CLIC6: variants seen among roughly 807,000 people sequenced by gnomAD.
CLIC6 encodes the protein CLIC family member 6.
A neutral mutation model predicts 49.2 loss-of-function variants in CLIC6; 39 were observed. The observed-to-expected ratio is 0.79, with a 90% CI of 0.61 to 1.04. CLIC6 has a LOEUF of 1.04. CLIC6 is among the 50% of genes least tolerant of loss of function. The pLI is 0.00. For missense variants in CLIC6, 988 were observed against 993.1 expected (o/e 0.99, Z 0.07); for synonymous variants, 446 against 433.4 (o/e 1.03, Z -0.36).
rs1989498728 is a variant in CLIC6 at position 34,669,856 on chromosome 21, G to A, written c.468G>A (p.Ala156=). 8 of 1,409,180 alleles carry A rather than the reference G, an allele frequency of 5.7e-6. No homozygotes were observed. In the South Asian group the frequency reaches 6.1e-5, roughly 11 times the overall value. The allele number at this position is 1,409,180 out of a possible 1,614,324, so 87.3% of individuals were successfully genotyped here. The change falls in exon 1 of 6, where the codon GCG becomes GCA. Residue 156 remains alanine (A), a synonymous_variant. Coordinates refer to ENST00000349499, the MANE Select transcript of CLIC6 (RefSeq NM_053277.3). ...EVPEGSASGE[A]GDSVDAEGPL... is the part of the protein sequence containing the mutation. Reference sequence around the variant, plus strand: ...CGGAAGGTAGCGCGTCCGGGGAGGCGGGGGACAGCGTAGACGCGGAGGGCC... The same window carrying A: ...CGGAAGGTAGCGCGTCCGGGGAGGCAGGGGACAGCGTAGACGCGGAGGGCC...
chr21:34,689,591 T>C (rs902637928), intron 1 of CLIC6, among the ~76,000 whole-genome samples: 1 of 151,244 alleles, frequency 6.6e-6, no homozygotes, highest in African/African-American at 2.5e-5. Flanking sequence ...TTAAGGGATC[T>C]GAAGCTTTTT....
At chr21:34,697,269 C>T (rs1846619788) in intron 1 of CLIC6, among the ~76,000 whole-genome samples, 2 of 152,058 alleles carry the variant, frequency 1.3e-5, no homozygotes, top group Admixed American at 1.3e-4. Flanking sequence ...CAGACTTTTC[C>T]AAAGGTGGCC....
chr21:34,704,658 C>T (rs948985418), intron 1 of CLIC6, among the ~76,000 whole-genome samples: 5 of 152,056 alleles, frequency 3.3e-5, no homozygotes, highest in Admixed American at 1.3e-4. Context: ...GTGGCAGATC[C>T]GAGAAGGAGC....
intron 1 of CLIC6, among the ~76,000 whole-genome samples, chr21:34,706,314 T>G (rs960608175): frequency 6.6e-6 from 1 of 152,248 alleles, no homozygotes; most frequent in East Asian, 1.9e-4. Context: ...ACTCACTGAC[T>G]ATCGAAAGGG....
In CLIC6 at chr21:34,669,276, C is replaced by T; in HGVS notation, c.-113C>T. 1 of 895,426 alleles carries T rather than the reference C, an allele frequency of 1.1e-6. No individual in the cohort carries two copies. The highest frequency in any genetic ancestry group is 1.5e-6 in the Non-Finnish European group (1 of 681,462). The allele number at this position is 895,426 out of a possible 1,614,324, so 55.5% of individuals were successfully genotyped here. A position where few individuals can be genotyped will look rare whatever the true frequency, so the allele number is the denominator to read the frequency against. ...AAACCTTTGCCGCAGGATCCCGGAG[C>T]CGGCGTCCTTCAAGGAGCACAGAGG... On this transcript the variant is annotated 5_prime_UTR_variant, in exon 1 of 6. Coordinates refer to ENST00000349499, the MANE Select transcript of CLIC6 (RefSeq NM_053277.3).
chr21:34,707,923 C>T, intron 2 of CLIC6, 21 bp from the exon 3 acceptor site: 1 of 1,613,712 alleles, frequency 6.2e-7, no homozygotes, highest in Non-Finnish European at 8.5e-7. Context: ...CCCATAAACA[C>T]TGCTGTTTCC....
chr21:34,710,687 C>T (rs772713529), intron 5 of CLIC6, among the ~76,000 whole-genome samples: 42 of 152,128 alleles, frequency 2.8e-4, no homozygotes, highest in African/African-American at 9.7e-4. Context: ...GTGGCGGGCA[C>T]CTGTACTCCC....
chr21:34,701,619 G>A (rs1251629364), intron 1 of CLIC6, among the ~76,000 whole-genome samples: 1 of 152,080 alleles, frequency 6.6e-6, no homozygotes, highest in East Asian at 1.9e-4. Context: ...AATCGCCCGA[G>A]GCCACACAAT....
In CLIC6 at chr21:34,669,922, CA is replaced by C. The variant is rs1989503092; in HGVS notation, c.535del (p.Ser179AlafsTer2). ...TAGAAGCGGAGGGCCCGGCGGGCGA[CA>C]GCGTAGAGGCGGAGGGCCGGGTGGG... ...NIEAEGPAGDSVEAEGRVGDS... is the reference protein window; with the variant it reads ...NIEAEGPAGDXVEAEGRVGDS... On this transcript the variant is annotated frameshift_variant, in exon 1 of 6. Transcript: ENST00000349499. LOFTEE classifies it high-confidence loss of function. The C allele has an allele frequency of 7.7e-7, 1 of 1,300,928 alleles. No individual in the cohort carries two copies. Among genetic ancestry groups the C allele is most frequent in the Admixed American group, 3.8e-5 (1 of 26,312 alleles). The allele number at this position is 1,300,928 out of a possible 1,614,324, so 80.6% of individuals were successfully genotyped here.
intron 1 of CLIC6, chr21:34,706,223 C>T (rs1457566776): frequency 2.0e-5 from 10 of 505,786 alleles, no homozygotes; most frequent in Non-Finnish European, 3.1e-5. Flanking sequence ...GGAGCAGGCA[C>T]GTCACATGGC....
In CLIC6 at chr21:34,670,219, G is replaced by C; in HGVS notation, c.831G>C (p.Gly277=). 1 of 1,417,690 alleles carries C rather than the reference G, an allele frequency of 7.1e-7. No individual in the cohort carries two copies. Among genetic ancestry groups the C allele is most frequent in the South Asian group, 1.5e-5 (1 of 65,822 alleles). The allele number at this position is 1,417,690 out of a possible 1,614,324, so 87.8% of individuals were successfully genotyped here. A position where few individuals can be genotyped will look rare whatever the true frequency, so the allele number is the denominator to read the frequency against. The change falls in exon 1 of 6, where the codon GGG becomes GGC. Residue 277 remains glycine (G), a synonymous_variant. Coordinates refer to ENST00000349499, the MANE Select transcript of CLIC6 (RefSeq NM_053277.3). The stretch of plus-strand genomic sequence containing the variant: ...GCGTAGAAGCCGAAGGCCCGGCGGG[G>C]GACAGCATGGACGCCGAGGGTCCGG... ...GDSVEAEGPA[G]DSMDAEGPAG...
Position 34,669,713 on chromosome 21 carries a change from G to A in CLIC6, c.325G>A (p.Glu109Lys), listed in dbSNP as rs547472043. The A allele has an allele frequency of 3.6e-6, 5 of 1,375,146 alleles. No homozygotes were observed. The South Asian group carries it at 8.4e-5, about 23-fold the overall frequency. The allele number at this position is 1,375,146 out of a possible 1,614,324, so 85.2% of individuals were successfully genotyped here. Reference protein sequence around the residue: ...GEETSGAQQVEGASPGRGAQG... With the variant: ...GEETSGAQQVKGASPGRGAQG... Reference sequence around the variant, plus strand: ...GGAGACAAGCGGCGCGCAGCAGGTGGAGGGGGCGAGCCCGGGACGCGGCGC... The same window carrying A: ...GGAGACAAGCGGCGCGCAGCAGGTGAAGGGGGCGAGCCCGGGACGCGGCGC... The change falls in exon 1 of 6, where the codon GAG (glutamate) becomes AAG (lysine). Residue 109 changes from glutamate to lysine, a missense_variant. By Grantham distance (56) the Glu-to-Lys change is moderately conservative (BLOSUM62 1). This residue lies in a region of CLIC6 where 284 missense variants were observed against 278.6 expected (regional missense o/e 1.02). Coordinates refer to ENST00000349499, the MANE Select transcript of CLIC6 (RefSeq NM_053277.3).
intron 1 of CLIC6, among the ~76,000 whole-genome samples, chr21:34,679,412 G>A (rs756670418): frequency 1.3e-5 from 2 of 152,276 alleles, no homozygotes; most frequent in Non-Finnish European, 1.5e-5. Flanking sequence ...AATTCGAGGT[G>A]AGATTTGGGT....
chr21:34,687,551 T>G (rs1989905480), intron 1 of CLIC6, among the ~76,000 whole-genome samples: 1 of 152,218 alleles, frequency 6.6e-6, no homozygotes, highest in Admixed American at 6.5e-5. Flanking sequence ...AAGGACTTCT[T>G]ATGCCTTGAT....
At chr21:34,703,537 A>T (rs1376420699) in intron 1 of CLIC6, among the ~76,000 whole-genome samples, 5 of 152,174 alleles carry the variant, frequency 3.3e-5, no homozygotes, top group African/African-American at 4.8e-5. Context: ...TGCCCTGTAC[A>T]TGTAACTCCA....
chr21:34,701,677 C>T (rs1465392477), intron 1 of CLIC6, among the ~76,000 whole-genome samples: 1 of 152,200 alleles, frequency 6.6e-6, no homozygotes, highest in African/African-American at 2.4e-5. Context: ...GGCTCCAACG[C>T]CAGCACCCAT....
intron 1 of CLIC6, among the ~76,000 whole-genome samples, chr21:34,693,313 T>C (rs1014667796): frequency 4.6e-5 from 7 of 152,204 alleles, no homozygotes; most frequent in African/African-American, 1.2e-4. Context: ...CTAGATGGTT[T>C]AGTCCCCCAC....
At chr21:34,690,087 G>A (rs773656690) in intron 1 of CLIC6, among the ~76,000 whole-genome samples, 4 of 152,136 alleles carry the variant, frequency 2.6e-5, no homozygotes, top group African/African-American at 4.8e-5. Flanking sequence ...TGGAGCTTCC[G>A]GCAGGAATGT....
intron 1 of CLIC6, among the ~76,000 whole-genome samples, chr21:34,690,521 C>T (rs1033246033): frequency 3.9e-5 from 6 of 152,164 alleles, no homozygotes; most frequent in African/African-American, 1.4e-4. Flanking sequence ...TAGCGTAACA[C>T]ATGAGCTTAT....
Sources: gnomAD v4.1 joint callset for allele counts (sites outside exome capture counted in the v4.1 genomes callset) on GRCh38, gnomAD v4.1.1 for gene constraint, gnomAD v4.1.1 regional missense constraint, MANE v1.5 for transcripts, NCBI Gene and HGNC (gene_info 2026-07-23, HGNC 2026-07-21) for gene names.